The following THEMIS variants were observed in gnomAD, a reference collection of about 807,000 sequenced individuals.
The protein encoded by THEMIS is protein THEMIS.
THEMIS carries 37 observed loss-of-function variants against 52.6 expected under a neutral mutation model. The ratio of observed to expected loss-of-function variants is 0.70; its 90% CI spans 0.54 to 0.93. The LOEUF is 0.93. THEMIS is among the 40% of genes least tolerant of loss of function. The pLI, the probability that THEMIS is intolerant of heterozygous loss-of-function variation, is 0.00. For synonymous variants in THEMIS, 292 were observed against 272.7 expected, an observed-to-expected ratio of 1.07 and a Z score of -0.70; for missense variants, 808 against 763.1, an observed-to-expected ratio of 1.06 and a Z score of -0.69.
At chr6:127,843,803 C>G (rs1779127066) in intron 2 of THEMIS, among the ~76,000 whole-genome samples, 1 of 151,952 alleles carries the variant, frequency 6.6e-6, no homozygotes, top group African/African-American at 2.4e-5. Flanking sequence ...TTTCCACTCT[C>G]AGACCACTAA....
At chr6:127,838,521 C>G (rs1286135921) in intron 2 of THEMIS, among the ~76,000 whole-genome samples, 3 of 151,836 alleles carry the variant, frequency 2.0e-5, no homozygotes, top group Non-Finnish European at 4.4e-5. Flanking sequence ...CATTTTTTTA[C>G]TTTATGACAG....
At chr6:127,755,767 T>A (rs1775801281) in intron 4 of THEMIS, among the ~76,000 whole-genome samples, 1 of 152,126 alleles carries the variant, frequency 6.6e-6, no homozygotes, top group Non-Finnish European at 1.5e-5. Context: ...ACGCAGTGGC[T>A]CACACTTGTG....
intron 4 of THEMIS, among the ~76,000 whole-genome samples, chr6:127,790,998 C>T (rs985830948): frequency 6.6e-6 from 1 of 152,172 alleles, no homozygotes; most frequent in Non-Finnish European, 1.5e-5. Flanking sequence ...CAGGGTGCTC[C>T]CAGGTCTGGG....
At chr6:127,891,517 CAGAA>C (rs745323987) in intron 1 of THEMIS, among the ~76,000 whole-genome samples, 44 of 103,812 alleles carry the variant, frequency 4.2e-4, no homozygotes, top group Non-Finnish European at 6.3e-4. Flanking sequence ...GTCTGGGTGA[CAGAA>C]AGAGACTCCA....
chr6:127,834,596 G>A (rs1778812869), intron 2 of THEMIS, among the ~76,000 whole-genome samples: 1 of 151,332 alleles, frequency 6.6e-6, no homozygotes. Flanking sequence ...AACAATAATA[G>A]TAATAATAAT....
intron 4 of THEMIS, among the ~76,000 whole-genome samples, chr6:127,746,543 C>T: frequency 6.7e-6 from 1 of 148,760 alleles, no homozygotes; most frequent in Middle Eastern, 3.5e-3. Flanking sequence ...TTATTTATAT[C>T]AAGTAACAAA....
chr6:127,701,611 T>C, the THEMIS span, among the ~76,000 whole-genome samples: 1 of 152,180 alleles, frequency 6.6e-6, no homozygotes, highest in Non-Finnish European at 1.5e-5. Flanking sequence ...TAGGAGACAG[T>C]GCCAAACAGT....
At chr6:127,886,739 G>A (rs1287661913) in intron 1 of THEMIS, among the ~76,000 whole-genome samples, 1 of 152,082 alleles carries the variant, frequency 6.6e-6, no homozygotes, top group Non-Finnish European at 1.5e-5. Flanking sequence ...AGAGATTTAA[G>A]CACTGTCCAT....
intron 4 of THEMIS, among the ~76,000 whole-genome samples, chr6:127,731,838 C>T (rs1275245871): frequency 8.4e-6 from 1 of 119,162 alleles, no homozygotes; most frequent in African/African-American, 3.3e-5. Flanking sequence ...GCTGGGATTA[C>T]AGGTGCATGC....
intron 4 of THEMIS, among the ~76,000 whole-genome samples, chr6:127,750,508 G>A (rs1238815567): frequency 2.0e-5 from 3 of 151,662 alleles, no homozygotes; most frequent in Non-Finnish European, 4.4e-5. Context: ...TTTGAAGCCA[G>A]GAAGTCAATG....
At chr6:127,854,744 T>C (rs1290550315) in intron 2 of THEMIS, among the ~76,000 whole-genome samples, 1 of 151,856 alleles carries the variant, frequency 6.6e-6, no homozygotes, top group Admixed American at 6.6e-5. Flanking sequence ...TGGTTCTCAT[T>C]ATTTAGCACA....
intron 4 of THEMIS, among the ~76,000 whole-genome samples, chr6:127,734,884 AAAAAAAAAAAAAAT>A (rs1279865503): frequency 7.8e-6 from 1 of 127,830 alleles, no homozygotes; most frequent in African/African-American, 2.9e-5. Flanking sequence ...AAAAAAAAAA[AAAAAAAAAAAAAAT>A]ATATATATAT....
intron 1 of THEMIS, among the ~76,000 whole-genome samples, chr6:127,895,912 A>G (rs1017657514): frequency 6.6e-6 from 1 of 151,366 alleles, no homozygotes; most frequent in East Asian, 1.9e-4. Context: ...TTACAAAAAA[A>G]TAAAAACTAT....
chr6:127,815,097 A>G (rs10872327), intron 3 of THEMIS, among the ~76,000 whole-genome samples: 23,061 of 152,058 alleles, frequency 0.15, 1,954 homozygotes, highest in African/African-American at 0.22. Flanking sequence ...GTTGCAGTGA[A>G]CCATGATCAT....
intron 3 of THEMIS, among the ~76,000 whole-genome samples, chr6:127,815,563 C>A (rs910647001): frequency 9.2e-5 from 14 of 151,770 alleles, no homozygotes; most frequent in Admixed American, 2.6e-4. Flanking sequence ...TAAAGATCTG[C>A]AAAATTGTAA....
At chr6:127,900,448 C>T (rs1311491056) in intron 1 of THEMIS, among the ~76,000 whole-genome samples, 1 of 152,050 alleles carries the variant, frequency 6.6e-6, no homozygotes. Context: ...TCTTTCTAAA[C>T]ACTGTGCCTT....
chr6:127,799,035 C>T (rs183368231), intron 4 of THEMIS, among the ~76,000 whole-genome samples: 1 of 150,784 alleles, frequency 6.6e-6, no homozygotes, highest in African/African-American at 2.4e-5. Flanking sequence ...ATTAAAGACT[C>T]AGAAGAGAAT....
At chr6:127,866,630 A>C (rs183007857) in intron 1 of THEMIS, among the ~76,000 whole-genome samples, 28 of 152,110 alleles carry the variant, frequency 1.8e-4, no homozygotes, top group Non-Finnish European at 2.9e-5. Flanking sequence ...CCAATGCATA[A>C]AGTTTCATAA....
intron 4 of THEMIS, among the ~76,000 whole-genome samples, chr6:127,773,292 T>G (rs1252615782): frequency 1.3e-5 from 2 of 152,182 alleles, no homozygotes; most frequent in African/African-American, 4.8e-5. Context: ...ACCATTTTGA[T>G]CATCACAAAG....
Sources: gnomAD v4.1 joint callset for allele counts (sites outside exome capture counted in the v4.1 genomes callset) on GRCh38, gnomAD v4.1.1 for gene constraint, MANE v1.5 for transcripts, NCBI Gene and HGNC (gene_info 2026-07-23, HGNC 2026-07-21) for gene names.